Variants in CSMD1 observed in about 807,000 individuals in gnomAD.
CSMD1 encodes CUB and sushi domain-containing protein 1.
CSMD1 carries 213 observed loss-of-function variants against 417.5 expected under a neutral mutation model. That is an observed-to-expected ratio of 0.51 (90% CI 0.46 to 0.57). The LOEUF (loss-of-function observed/expected upper bound fraction) is 0.57. CSMD1 is among the 20% of genes least tolerant of loss of function. The pLI is 0.00. For missense variants in CSMD1, 6,923 were observed against 4,529.7 expected (o/e 1.53, Z -15.17); for synonymous variants, 2,862 against 1,736.8 (o/e 1.65, Z -16.11).
chr8:4,441,450 A>T (rs1387257003), intron 2 of CSMD1, among the ~76,000 whole-genome samples: 2 of 151,906 alleles, frequency 1.3e-5, no homozygotes, highest in African/African-American at 4.8e-5. Flanking sequence ...TTAAAATGAA[A>T]TCAGTGTTGA....
chr8:4,882,629 G>T (rs1265179740), intron 1 of CSMD1, among the ~76,000 whole-genome samples: 1 of 151,736 alleles, frequency 6.6e-6, no homozygotes. Context: ...ACTATCCACC[G>T]GGTTTCCCAT....
At chr8:4,213,101 C>T (rs143231566) in intron 3 of CSMD1, among the ~76,000 whole-genome samples, 2,481 of 152,194 alleles carry the variant, frequency 0.016, 31 homozygotes, top group Non-Finnish European at 0.023. Flanking sequence ...AGATGCTTCA[C>T]CCAGTGGAGC....
intron 4 of CSMD1, among the ~76,000 whole-genome samples, chr8:4,018,046 C>A (rs1000803675): frequency 7.3e-5 from 11 of 150,298 alleles, no homozygotes; most frequent in Admixed American, 5.3e-4. Context: ...ATGAAACTGT[C>A]ACTAGTGTGG....
At chr8:4,542,153 C>G (rs930362565) in intron 2 of CSMD1, among the ~76,000 whole-genome samples, 1 of 152,114 alleles carries the variant, frequency 6.6e-6, no homozygotes, top group African/African-American at 2.4e-5. Context: ...ATACTGAATC[C>G]ACATTCTTAG....
chr8:2,986,619 C>G (rs1258810071), intron 54 of CSMD1, among the ~76,000 whole-genome samples: 1 of 152,108 alleles, frequency 6.6e-6, no homozygotes, highest in African/African-American at 2.4e-5. Context: ...ATTCTCCTGC[C>G]TCAGTCTCCC....
intron 1 of CSMD1, among the ~76,000 whole-genome samples, chr8:4,938,206 CT>C (rs1395827336): frequency 6.6e-6 from 1 of 152,120 alleles, no homozygotes; most frequent in East Asian, 1.9e-4. Flanking sequence ...CTTTGAGCTA[CT>C]AGTGAAGCTC....
chr8:4,280,273 A>G (rs1320550279), intron 3 of CSMD1, among the ~76,000 whole-genome samples: 1 of 152,224 alleles, frequency 6.6e-6, no homozygotes, highest in African/African-American at 2.4e-5. Context: ...ATTTGATATT[A>G]GCACGTTTTT....
intron 1 of CSMD1, among the ~76,000 whole-genome samples, chr8:4,891,949 T>C (rs1216352472): frequency 1.3e-5 from 2 of 152,078 alleles, no homozygotes; most frequent in African/African-American, 2.4e-5. Flanking sequence ...AAAAAGAAGA[T>C]GGCCTTTACA....
rs1454158757 is a variant in CSMD1, at chr8:3,143,410, CAA to C, written c.6032-738_6032-737del. Among the ~76,000 whole-genome samples the C allele has an allele frequency of 2.0e-5, 3 of 152,250 alleles. No homozygotes were observed. In the East Asian group the frequency reaches 5.8e-4, roughly 29 times the overall value. Reference sequence around the variant, plus strand: ...AACAGCCTGGCACAGTTGAGAATACCAAAAGACTGTTCAAATGACCAGTATCT... The same window carrying C: ...AACAGCCTGGCACAGTTGAGAATACCAAGACTGTTCAAATGACCAGTATCT... On this transcript the variant is annotated intron_variant, in intron 40 of 69. Coordinates refer to ENST00000635120, the MANE Select transcript of CSMD1 (RefSeq NM_033225.6).
At chr8:4,208,373 C>G (rs1446301407) in intron 3 of CSMD1, among the ~76,000 whole-genome samples, 1 of 152,070 alleles carries the variant, frequency 6.6e-6, no homozygotes, top group African/African-American at 2.4e-5. Context: ...AAGCATTTCC[C>G]CAAGGAATTG....
chr8:3,754,303 C>A (rs905917650), intron 5 of CSMD1, among the ~76,000 whole-genome samples: 2 of 152,096 alleles, frequency 1.3e-5, no homozygotes, highest in African/African-American at 4.8e-5. Flanking sequence ...ATGGTGAATG[C>A]AGGAGGAGGT....
At chr8:3,357,776 T>C (rs893366241) in intron 21 of CSMD1, among the ~76,000 whole-genome samples, 16 of 151,820 alleles carry the variant, frequency 1.1e-4, no homozygotes, top group African/African-American at 3.9e-4. Flanking sequence ...GTATTTTTTT[T>C]CTTGAGATAA....
At chr8:4,640,849 C>T (rs1482014217) in intron 1 of CSMD1, among the ~76,000 whole-genome samples, 1 of 123,024 alleles carries the variant, frequency 8.1e-6, no homozygotes, top group Non-Finnish European at 1.6e-5. Flanking sequence ...GGGATTGAAA[C>T]CTTAATTATT....
At chr8:3,761,656 C>G (rs113402983) in intron 5 of CSMD1, among the ~76,000 whole-genome samples, 15 of 152,100 alleles carry the variant, frequency 9.9e-5, no homozygotes, top group African/African-American at 3.4e-4. Flanking sequence ...TAGGCACAAA[C>G]CACCACACCT....
intron 10 of CSMD1, among the ~76,000 whole-genome samples, chr8:3,499,684 G>A (rs1260829532): frequency 6.6e-6 from 1 of 152,100 alleles, no homozygotes. Flanking sequence ...TTGACGACTT[G>A]TGGTATAGGG....
intron 2 of CSMD1, among the ~76,000 whole-genome samples, chr8:4,549,739 A>T (rs1040219921): frequency 6.6e-6 from 1 of 151,836 alleles, no homozygotes; most frequent in Non-Finnish European, 1.5e-5. Flanking sequence ...AAATCTATAA[A>T]TACAAAAATT....
intron 1 of CSMD1, among the ~76,000 whole-genome samples, chr8:4,910,646 G>T (rs1049480564): frequency 6.6e-6 from 1 of 152,134 alleles, no homozygotes. Flanking sequence ...TTGGGGATTA[G>T]ATTTTAACAT....
chr8:4,105,988 A>G (rs571672581), intron 3 of CSMD1, among the ~76,000 whole-genome samples: 1 of 152,352 alleles, frequency 6.6e-6, no homozygotes, highest in Admixed American at 6.5e-5. Flanking sequence ...AGGAAAATGT[A>G]GAGCAGGAGA....
chr8:4,826,995 T>C (rs1799868760), intron 1 of CSMD1, among the ~76,000 whole-genome samples: 1 of 152,232 alleles, frequency 6.6e-6, no homozygotes, highest in Admixed American at 6.5e-5. Context: ...AGAAATCAAA[T>C]TGCTTGCCTA....
Sources: allele counts gnomAD v4.1 joint callset (sites outside exome capture counted in the v4.1 genomes callset), GRCh38; gene constraint gnomAD v4.1.1; transcripts MANE v1.5; gene names NCBI Gene and HGNC (gene_info 2026-07-23, HGNC 2026-07-21).